The following MBD5 variants were observed in gnomAD, a reference collection of about 807,000 sequenced individuals.
MBD5 encodes methyl-CpG binding domain protein 5, also known as methyl-CpG-binding domain protein 5.
MBD5 carries 13 observed loss-of-function variants against 117.3 expected under a neutral mutation model. The observed-to-expected ratio is 0.11, with a 90% CI of 0.07 to 0.18. MBD5 has a LOEUF of 0.18. MBD5 is among the 10% of genes least tolerant of loss of function. The probability of loss-of-function intolerance (pLI) is 1.00; values close to 1 mark genes in which losing one functional copy is unlikely to be tolerated. For missense variants in MBD5, 1,879 were observed against 2,093.8 expected (o/e 0.90, Z 2.00); for synonymous variants, 727 against 766.4 (o/e 0.95, Z 0.85).
At chr2:148,059,192 A>G (rs1417592522) in intron 1 of MBD5, among the ~76,000 whole-genome samples, 1 of 152,204 alleles carries the variant, frequency 6.6e-6, no homozygotes, top group East Asian at 1.9e-4. Flanking sequence ...TGTAATTTGC[A>G]GATAGTCTAA....
At chr2:148,320,941 A>T (rs982311612) in intron 3 of MBD5, among the ~76,000 whole-genome samples, 58 of 151,976 alleles carry the variant, frequency 3.8e-4, no homozygotes, top group Admixed American at 1.1e-3. Context: ...GTCTTTTCAG[A>T]GGAGCAACTT....
chr2:148,245,420 C>G (rs1388181737), intron 3 of MBD5, among the ~76,000 whole-genome samples: 2 of 151,828 alleles, frequency 1.3e-5, no homozygotes, highest in Admixed American at 1.3e-4. Context: ...AGAGATAGGA[C>G]AAAAATATTT....
At chr2:148,399,560 C>T (rs184313424) in intron 4 of MBD5, among the ~76,000 whole-genome samples, 16 of 152,148 alleles carry the variant, frequency 1.1e-4, no homozygotes, top group South Asian at 8.3e-4. Context: ...TGGGCTGAGA[C>T]GATGGGGTTT....
intron 1 of MBD5, among the ~76,000 whole-genome samples, chr2:148,092,421 A>G (rs932025891): frequency 6.6e-6 from 1 of 152,236 alleles, no homozygotes; most frequent in Admixed American, 6.5e-5. Flanking sequence ...CTAAATGTCC[A>G]TCAACCAACA....
At chr2:148,382,258 A>G (rs547375569) in intron 4 of MBD5, among the ~76,000 whole-genome samples, 20 of 152,092 alleles carry the variant, frequency 1.3e-4, no homozygotes, top group African/African-American at 4.1e-4. Context: ...GGATGGAGGA[A>G]GATCTACCAA....
At chr2:148,224,326 G>A (rs1470009211) in intron 2 of MBD5, among the ~76,000 whole-genome samples, 3 of 151,728 alleles carry the variant, frequency 2.0e-5, no homozygotes, top group Non-Finnish European at 4.4e-5. Flanking sequence ...TGGTGATGAA[G>A]CCTCTAGCTT....
At chr2:148,437,908 G>A (rs559266503) in intron 4 of MBD5, among the ~76,000 whole-genome samples, 5 of 152,042 alleles carry the variant, frequency 3.3e-5, no homozygotes, top group Non-Finnish European at 7.4e-5. Flanking sequence ...CACCACATAT[G>A]CCCAAAGAAT....
intron 1 of MBD5, among the ~76,000 whole-genome samples, chr2:148,177,834 A>G (rs186952932): frequency 1.4e-4 from 21 of 152,336 alleles, no homozygotes; most frequent in Admixed American, 1.2e-3. Context: ...ACTAATGACC[A>G]AAAGGAGCAA....
At chr2:148,154,377 G>C (rs878924877) in intron 1 of MBD5, among the ~76,000 whole-genome samples, 1 of 151,770 alleles carries the variant, frequency 6.6e-6, no homozygotes, top group African/African-American at 2.4e-5. Flanking sequence ...GGTTACTGCT[G>C]TCTTTTTGTT....
At chr2:148,208,413 CA>C (rs1699337038) in intron 2 of MBD5, among the ~76,000 whole-genome samples, 1 of 152,000 alleles carries the variant, frequency 6.6e-6, no homozygotes, top group Non-Finnish European at 1.5e-5. Context: ...GCTCCAATGC[CA>C]GGCCAATTTT....
At chr2:148,205,408 A>C (rs907482657) in intron 2 of MBD5, among the ~76,000 whole-genome samples, 3 of 152,202 alleles carry the variant, frequency 2.0e-5, no homozygotes, top group Admixed American at 1.3e-4. Flanking sequence ...TGGAAGTCAA[A>C]GAATATCAAT....
At chr2:148,364,958 G>T (rs565057934) in intron 4 of MBD5, among the ~76,000 whole-genome samples, 1 of 152,248 alleles carries the variant, frequency 6.6e-6, no homozygotes, top group Non-Finnish European at 1.5e-5. Flanking sequence ...GGATATTCAG[G>T]ACGTGAACTC....
chr2:148,266,122 A>T (rs946456658), intron 3 of MBD5, among the ~76,000 whole-genome samples: 8 of 152,140 alleles, frequency 5.3e-5, no homozygotes, highest in African/African-American at 1.7e-4. Flanking sequence ...TCACATGGAA[A>T]CTTCAATGCA....
intron 1 of MBD5, among the ~76,000 whole-genome samples, chr2:148,138,960 A>C (rs1004908976): frequency 1.3e-5 from 2 of 152,200 alleles, no homozygotes; most frequent in Non-Finnish European, 2.9e-5. Flanking sequence ...CAGAGAATGC[A>C]GTTTCTACTG....
At chr2:148,376,567 A>G (rs908468272) in intron 4 of MBD5, among the ~76,000 whole-genome samples, 3 of 150,368 alleles carry the variant, frequency 2.0e-5, no homozygotes, top group African/African-American at 7.3e-5. Flanking sequence ...GCGCCCGGCC[A>G]AAAATATTCA....
At chr2:148,507,195 G>T (rs1464751362) in intron 12 of MBD5, among the ~76,000 whole-genome samples, 1 of 152,322 alleles carries the variant, frequency 6.6e-6, no homozygotes, top group South Asian at 2.1e-4. Flanking sequence ...CAAAACTCAT[G>T]AAATTGTTTT....
chr2:148,445,962 G>A (rs956231942), intron 4 of MBD5, among the ~76,000 whole-genome samples: 10 of 150,906 alleles, frequency 6.6e-5, no homozygotes, highest in South Asian at 2.1e-4. Context: ...CATATCCTTC[G>A]CCCACGATGG....
chr2:148,060,201 TG>T (rs1694993737), intron 1 of MBD5, among the ~76,000 whole-genome samples: 1 of 139,094 alleles, frequency 7.2e-6, no homozygotes, highest in South Asian at 2.3e-4. Context: ...CCCAGATATT[TG>T]GGAGGCCATG....
At chr2:148,291,335 T>A (rs1701496774) in intron 3 of MBD5, among the ~76,000 whole-genome samples, 1 of 152,178 alleles carries the variant, frequency 6.6e-6, no homozygotes, top group African/African-American at 2.4e-5. Flanking sequence ...TCCATGAACA[T>A]GAGATGTCTT....
Sources: gnomAD v4.1 joint callset for allele counts (sites outside exome capture counted in the v4.1 genomes callset) on GRCh38, gnomAD v4.1.1 for gene constraint, MANE v1.5 for transcripts, NCBI Gene and HGNC (gene_info 2026-07-23, HGNC 2026-07-21) for gene names.